MYH9: variants seen among roughly 807,000 people sequenced by gnomAD.
The protein encoded by MYH9 is myosin-9.
MYH9 carries 29 observed loss-of-function variants against 241.9 expected under a neutral mutation model. That is an observed-to-expected ratio of 0.12 (90% CI 0.09 to 0.16). MYH9 has a LOEUF of 0.16. Ranked by LOEUF, MYH9 falls within the 10% of genes least tolerant of loss-of-function variation. The pLI is 1.00. For missense variants in MYH9, 1,803 were observed against 2,595.5 expected (o/e 0.69, Z 6.63); for synonymous variants, 1,047 against 1,062.6 (o/e 0.99, Z 0.29).
At chr22:36,311,301 CACTG>C (rs2017059684) in intron 14 of MYH9, among the ~76,000 whole-genome samples, 1 of 152,160 alleles carries the variant, frequency 6.6e-6, no homozygotes. Context: ...GCAGGTCCAC[CACTG>C]ACTGACTGTG....
rs767623079 is a variant in MYH9 at position 36,300,274 on chromosome 22, G to A, written c.2839-10C>T. 2 of 1,612,084 alleles carry A rather than the reference G, an allele frequency of 1.2e-6. No homozygotes were observed. Among genetic ancestry groups the A allele is most frequent in the Admixed American group, 1.7e-5 (1 of 60,008 alleles). On this transcript the variant is annotated splice_polypyrimidine_tract_variant and intron_variant, in intron 22 of 40. Coordinates refer to ENST00000216181, the MANE Select transcript of MYH9 (RefSeq NM_002473.6). The surrounding 1 kb of genome is among the most constrained non-coding windows in gnomAD (Gnocchi z 5.0). Reference sequence around the variant, plus strand: ...GCTGCTCCTCAAGCTCCTGCCGGGGGCCAGAGACACGGTAAGGACAGCAGG... The same window carrying A: ...GCTGCTCCTCAAGCTCCTGCCGGGGACCAGAGACACGGTAAGGACAGCAGG...
Position 36,300,069 on chromosome 22 carries a change from A to C in MYH9, c.2976+58T>G. On this transcript the variant is annotated intron_variant, in intron 23 of 40. Transcript: ENST00000216181. The surrounding 1 kb of genome is among the most constrained non-coding windows in gnomAD (Gnocchi z 5.0). ...GGAGCCAGGCCCTGCAAGGGTGACC[A>C]CACTCTCCCATCCACGGCGCCCCTG... The C allele has an allele frequency of 6.3e-7, 1 of 1,599,854 alleles. No individual in the cohort carries two copies. The highest frequency in any genetic ancestry group is 8.5e-7 in the Non-Finnish European group (1 of 1,177,756).
chr22:36,318,778 T>G (rs1438734952), intron 10 of MYH9, among the ~76,000 whole-genome samples: 3 of 152,108 alleles, frequency 2.0e-5, no homozygotes, highest in Non-Finnish European at 4.4e-5. Context: ...TTTTTTTTTT[T>G]TTGAGACGGC....
At position 36,342,175 on chromosome 22, in the gene MYH9, G is replaced by T. The variant is rs528729647; in HGVS notation, c.334-649C>A. ...TCTCCAAGACTTCCTCTCTGGAGGG[G>T]AACCCAATTAATCAACATCCTTAAT... On this transcript the variant is annotated intron_variant, in intron 2 of 40. Coordinates refer to ENST00000216181, the MANE Select transcript of MYH9 (RefSeq NM_002473.6). 1.4e-4 allele frequency among the ~76,000 whole-genome samples: 22 copies of T among 152,278 alleles called. No individual in the cohort carries two copies. The South Asian group carries it at 1.4e-3, about 10-fold the overall frequency.
chr22:36,328,983 G>A (rs1474794425), intron 3 of MYH9: 1 of 152,298 alleles, frequency 6.6e-6, no homozygotes, highest in East Asian at 1.9e-4. Context: ...AGCAGCGTGT[G>A]GGGCTGGGCA....
At chr22:36,378,142 G>GT (rs1357406733) in intron 1 of MYH9, among the ~76,000 whole-genome samples, 1 of 151,944 alleles carries the variant, frequency 6.6e-6, no homozygotes, top group Non-Finnish European at 1.5e-5. Context: ...CAGGCCTGGT[G>GT]GTGCACACCT....
chr22:36,285,988 G>A lies in MYH9; in HGVS notation c.5062-35C>T. The A allele has an allele frequency of 6.2e-7, 1 of 1,605,008 alleles. No homozygotes were observed. ...AGACCCAGAGTGTGACCTAAAGGCAGCCACAGCCCCACAAGACCATCCTTC... is the reference window on the plus strand; with the variant it reads ...AGACCCAGAGTGTGACCTAAAGGCAACCACAGCCCCACAAGACCATCCTTC... On this transcript the variant is annotated intron_variant, in intron 35 of 40. Transcript: ENST00000216181. This position sits in a 1 kb window ranked among gnomAD's most constrained non-coding sequence, Gnocchi z 7.0.
intron 1 of MYH9, among the ~76,000 whole-genome samples, chr22:36,372,521 TA>T (rs568839637): frequency 2.2e-4 from 31 of 139,938 alleles, no homozygotes; most frequent in East Asian, 1.2e-3. Context: ...TGACAGGTAA[TA>T]AAAAAAAAAA....
Position 36,306,342 on chromosome 22 carries a change from G to C in MYH9, c.2037+72C>G. On this transcript the variant is annotated intron_variant, in intron 16 of 40. Coordinates refer to ENST00000216181, the MANE Select transcript of MYH9 (RefSeq NM_002473.6). The surrounding 1 kb of genome is among the most constrained non-coding windows in gnomAD (Gnocchi z 4.1). ...GGGGGGCTGGAGGGGTGCTTTTGCT[G>C]GGGAGACAGACAAGGGCTGAGCACC... 6.3e-7 allele frequency: 1 copy of C among 1,580,728 alleles called. No individual in the cohort carries two copies. The highest frequency in any genetic ancestry group is 8.6e-7 in the Non-Finnish European group (1 of 1,156,870).
chr22:36,305,900 A>G lies in MYH9; in HGVS notation c.2159+30T>C. On this transcript the variant is annotated intron_variant, in intron 17 of 40. Coordinates refer to ENST00000216181, the MANE Select transcript of MYH9 (RefSeq NM_002473.6). The surrounding 1 kb of genome is among the most constrained non-coding windows in gnomAD (Gnocchi z 4.7). ...ACTCACTGCACGCACAGCAGGGCCC[A>G]GGAGAAGCGGGCTCCGGGCCCTGGC... The G allele has an allele frequency of 4.3e-6, 7 of 1,612,304 alleles. No homozygotes were observed. The highest frequency in any genetic ancestry group is 5.9e-6 in the Non-Finnish European group (7 of 1,179,668).
chr22:36,309,457 T>C, intron 14 of MYH9, 61 bp from the exon 15 acceptor site: 1 of 1,273,498 alleles, frequency 7.9e-7, no homozygotes, highest in Non-Finnish European at 1.1e-6. Context: ...GCTCACAGGG[T>C]CTCCGGAGCA....
rs138608076 is a variant in MYH9 at position 36,304,193 on chromosome 22, C to T, written c.2230-38G>A. Reference sequence around the variant, plus strand: ...AGCAGGCCGTTTACCTGGCCAGCAACTGGCCACAGCTCCATGAAAGGGTGG... The same window carrying T: ...AGCAGGCCGTTTACCTGGCCAGCAATTGGCCACAGCTCCATGAAAGGGTGG... On this transcript the variant is annotated intron_variant, in intron 18 of 40. Transcript: ENST00000216181. 1.4e-4 allele frequency: 223 copies of T among 1,611,056 alleles called. 1 individual carries two copies. In the African/African-American group the frequency reaches 2.7e-3, roughly 20 times the overall value.
At chr22:36,294,822 C>A in intron 27 of MYH9, 110 bp downstream of exon 27, 1 of 1,488,902 alleles carries the variant, frequency 6.7e-7, no homozygotes, top group Non-Finnish European at 9.2e-7. Flanking sequence ...GGCCTCAGAA[C>A]CAGGCAGTTG....
intron 3 of MYH9, among the ~76,000 whole-genome samples, chr22:36,336,552 G>A (rs1419599566): frequency 2.6e-5 from 4 of 152,246 alleles, no homozygotes; most frequent in Admixed American, 2.0e-4. Context: ...ACAGAGTTCC[G>A]AGGAACAGTC....
chr22:36,310,849 G>A lies in MYH9; in HGVS notation c.1728+1200C>T, dbSNP rs575694170. Among the ~76,000 whole-genome samples, 8 of 152,356 alleles carry A rather than the reference G, an allele frequency of 5.3e-5. No homozygotes were observed. In the South Asian group the frequency reaches 1.0e-3, roughly 20 times the overall value. On this transcript the variant is annotated intron_variant, in intron 14 of 40. Transcript: ENST00000216181. ...AGCTTCTGCACTGATGAGCGTGTGC[G>A]TTTCCCAAAGGTGAGAGTGGAGAAA...
chr22:36,285,327 G>C lies in MYH9; in HGVS notation c.5277C>G (p.Ile1759Met), dbSNP rs183105164. ...NDRLKKANLQ[I>M]DQINTDLNLE... ...GGTTCAGGTCGGTGTTGATCTGGTC[G>C]ATCTGCAGAAGAAGGGCCAGTGACC... is the stretch of plus-strand genomic sequence containing the variant. Residue 1759 changes from isoleucine to methionine, a missense_variant and splice_region_variant, in exon 38 of 41, where the codon ATC becomes ATG. By Grantham distance (10) the Ile-to-Met change is conservative (BLOSUM62 1). Around this residue, in one of 11 missense-constraint regions of MYH9, gnomAD observed 876 missense variants for 1,077.8 expected, o/e 0.81. Coordinates refer to ENST00000216181, the MANE Select transcript of MYH9 (RefSeq NM_002473.6). This position sits in a 1 kb window ranked among gnomAD's most constrained non-coding sequence, Gnocchi z 7.0. The C allele has an allele frequency of 6.2e-7, 1 of 1,608,508 alleles. No homozygotes were observed. The highest frequency in any genetic ancestry group is 1.1e-5 in the South Asian group (1 of 91,090).
chr22:36,309,076 C>T (rs539433011), intron 15 of MYH9, among the ~76,000 whole-genome samples: 60 of 152,316 alleles, frequency 3.9e-4, no homozygotes, highest in African/African-American at 1.2e-3. Flanking sequence ...CAGGAGGACC[C>T]GGCCACGGTG....
chr22:36,298,130 A>AG (rs1402806621), intron 24 of MYH9, among the ~76,000 whole-genome samples: 2 of 151,722 alleles, frequency 1.3e-5, no homozygotes, highest in Non-Finnish European at 2.9e-5. Context: ...TGCAGATGTG[A>AG]GGGGGCCGGA....
chr22:36,335,593 T>C (rs776507079), intron 3 of MYH9, among the ~76,000 whole-genome samples: 1 of 152,174 alleles, frequency 6.6e-6, no homozygotes, highest in Non-Finnish European at 1.5e-5. Flanking sequence ...CAGAAAGACA[T>C]TGGAAAGCAG....
Sources: allele counts gnomAD v4.1 joint callset (sites outside exome capture counted in the v4.1 genomes callset), GRCh38; gene constraint gnomAD v4.1.1; regional missense constraint gnomAD v4.1.1; non-coding constraint Gnocchi (gnomAD v3.1); transcripts MANE v1.5; gene names NCBI Gene and HGNC (gene_info 2026-07-23, HGNC 2026-07-21).